Variants in RPE65 observed in about 807,000 individuals in gnomAD.
RPE65 encodes the protein retinoid isomerohydrolase.
In RPE65, 58 loss-of-function variants were observed where a neutral mutation model predicts 68.5. The observed-to-expected ratio is 0.85, with a 90% CI of 0.69 to 1.05. The LOEUF (loss-of-function observed/expected upper bound fraction) is 1.05. Ranked by LOEUF, RPE65 falls within the 50% of genes least tolerant of loss-of-function variation. The pLI, the probability that RPE65 is intolerant of heterozygous loss-of-function variation, is 0.00. For missense variants in RPE65, 643 were observed against 629.9 expected (o/e 1.02, Z -0.22); for synonymous variants, 220 against 222.2 (o/e 0.99, Z 0.09).
chr1:68,441,006 GAAGTA>G lies in RPE65; in HGVS notation c.496-11_496-7del. The stretch of plus-strand genomic sequence containing the variant: ...ACATAGTTGCAAAGATCAACCTACG[GAAGTA>G]AAGTGAATGTCCTCCAGTTGAGAGA... On this transcript the variant is annotated splice_polypyrimidine_tract_variant and splice_region_variant and intron_variant, in intron 5 of 13. Coordinates refer to ENST00000262340, the MANE Select transcript of RPE65 (RefSeq NM_000329.3). 6.2e-7 allele frequency: 1 copy of G among 1,613,734 alleles called. No homozygotes were observed. The highest frequency in any genetic ancestry group is 8.5e-7 in the Non-Finnish European group (1 of 1,179,770).
Position 68,431,457 on chromosome 1 carries a change from C to G in RPE65, c.1243+14G>C, listed in dbSNP as rs755771907. On this transcript the variant is annotated intron_variant, in intron 11 of 13. Transcript: ENST00000262340. ...TGTTCACTCCCGTGTGAAGTTTTCT[C>G]TAGATCATCTCACCTTGACGAGGCC... 1.2e-6 allele frequency: 2 copies of G among 1,613,364 alleles called. No homozygotes were observed. Among genetic ancestry groups the G allele is most frequent in the East Asian group, 2.2e-5 (1 of 44,854 alleles).
chr1:68,438,815 AT>A, intron 9 of RPE65, 126 bp downstream of exon 9: 2 of 1,204,020 alleles, frequency 1.7e-6, no homozygotes, highest in Non-Finnish European at 2.5e-6. Flanking sequence ...TTCCAATTAC[AT>A]TTTTGACTCT....
In RPE65 at chr1:68,429,437, T is replaced by C. The variant is rs74084043; in HGVS notation, c.*339A>G. On this transcript the variant is annotated 3_prime_UTR_variant, in exon 14 of 14. Transcript: ENST00000262340. ...TGGTTTTTAAATGTTAAAAATATAATTGGAGCAGATAGGTACCTAAAATAT... is the reference window on the plus strand; with the variant it reads ...TGGTTTTTAAATGTTAAAAATATAACTGGAGCAGATAGGTACCTAAAATAT... 2.6e-3 allele frequency: 733 copies of C among 284,878 alleles called. 9 individuals carry two copies. The highest frequency in any genetic ancestry group is 0.016 in the African/African-American group (693 of 44,518). The allele number at this position is 284,878 out of a possible 1,614,324, so 17.6% of individuals were successfully genotyped here.
chr1:68,446,910 A>T, intron 2 of RPE65, 50 bp from the exon 3 acceptor site: 1 of 1,611,792 alleles, frequency 6.2e-7, no homozygotes, highest in Non-Finnish European at 8.5e-7. Context: ...GCCTTGGGCT[A>T]GGCTTGTCCT....
At chr1:68,433,791 G>A (rs1645842235) in intron 10 of RPE65, among the ~76,000 whole-genome samples, 1 of 152,052 alleles carries the variant, frequency 6.6e-6, no homozygotes, top group Non-Finnish European at 1.5e-5. Context: ...ATTTAACTAG[G>A]GTTGTGATTT....
At chr1:68,441,183 C>T (rs1388185038) in intron 5 of RPE65, among the ~76,000 whole-genome samples, 183 bp from the exon 6 acceptor site, 1 of 152,118 alleles carries the variant, frequency 6.6e-6, no homozygotes, top group African/African-American at 2.4e-5. Context: ...GAACATAATG[C>T]CCCCTCATGT....
rs1278154958 is a variant in RPE65, at chr1:68,439,542, T to C, written c.725+19A>G. On this transcript the variant is annotated intron_variant, in intron 7 of 13. Transcript: ENST00000262340. Reference sequence around the variant, plus strand: ...AAACTTGAGTTTTCCTGAAGATTCATAGCAGGCCTTCAAGTTACCTATGAA... The same window carrying C: ...AAACTTGAGTTTTCCTGAAGATTCACAGCAGGCCTTCAAGTTACCTATGAA... The C allele has an allele frequency of 6.2e-7, 1 of 1,611,318 alleles. No individual in the cohort carries two copies. Among genetic ancestry groups the C allele is most frequent in the Non-Finnish European group, 8.5e-7 (1 of 1,177,440 alleles).
At chr1:68,443,043 A>G (rs1645914291) in intron 5 of RPE65, among the ~76,000 whole-genome samples, 1 of 152,106 alleles carries the variant, frequency 6.6e-6, no homozygotes, top group Non-Finnish European at 1.5e-5. Context: ...CTTCCCGTAC[A>G]GCCCACACAT....
At chr1:68,445,477 G>A (rs1236343530) in intron 3 of RPE65, among the ~76,000 whole-genome samples, 1 of 152,018 alleles carries the variant, frequency 6.6e-6, no homozygotes, top group African/African-American at 2.4e-5. Context: ...CTGATATGGA[G>A]AGCCAGTTAA....
Position 68,431,116 on chromosome 1 carries a change from G to T in RPE65, c.1399C>A (p.Pro467Thr), listed in dbSNP as rs1395763356. ...TWVWQEPDSYPSEPIFVSHPD... is the reference protein window; with the variant it reads ...TWVWQEPDSYTSEPIFVSHPD... ...TGAGAAACAAAGATGGGTTCTGATG[G>T]GTATGAATCAGGCTCTTGCCAAACC... is the stretch of plus-strand genomic sequence containing the variant. The change falls in exon 13 of 14, where the codon CCA (proline) becomes ACA (threonine). Residue 467 changes from proline (P) to threonine (T), a missense_variant. Transcript: ENST00000262340. 6.2e-6 allele frequency: 10 copies of T among 1,613,744 alleles called. No homozygotes were observed. The highest frequency in any genetic ancestry group is 8.5e-6 in the Non-Finnish European group (10 of 1,179,796).
At chr1:68,445,838 A>G (rs1645938848) in intron 3 of RPE65, among the ~76,000 whole-genome samples, 1 of 151,946 alleles carries the variant, frequency 6.6e-6, no homozygotes, top group African/African-American at 2.4e-5. Context: ...AAGAAGAAAG[A>G]GTACCCTGCT....
At chr1:68,436,823 A>G (rs1447346283) in intron 10 of RPE65, among the ~76,000 whole-genome samples, 1 of 152,090 alleles carries the variant, frequency 6.6e-6, no homozygotes, top group Non-Finnish European at 1.5e-5. Context: ...CATTCACTCA[A>G]CTGCTCAGGA....
Position 68,448,773 on chromosome 1 carries a change from A to G in RPE65, c.12-67T>C. 3.1e-6 allele frequency: 4 copies of G among 1,291,196 alleles called. No individual in the cohort carries two copies. In the South Asian group the frequency reaches 3.6e-5, roughly 12 times the overall value. 80.0% of individuals were successfully genotyped at this position (1,291,196 alleles called of 1,614,324 possible). On this transcript the variant is annotated intron_variant, in intron 1 of 13. Transcript: ENST00000262340. Reference sequence around the variant, plus strand: ...TCAAAGTCCGCAGAGATAGAGGCAGAGCTGCAGGAGAGAAGGCACTCTAGG... The same window carrying G: ...TCAAAGTCCGCAGAGATAGAGGCAGGGCTGCAGGAGAGAAGGCACTCTAGG...
At position 68,431,372 on chromosome 1, in the gene RPE65, A is replaced by G. The variant is rs780625967; in HGVS notation, c.1248T>C (p.Phe416=). Residue 416 remains phenylalanine (F), a synonymous_variant, in exon 12 of 14, where the codon TTT becomes TTC. Transcript: ENST00000262340. ...EVLFSGPRQA[F]EFPQINYQKY... Reference sequence around the variant, plus strand: ...TCTGGTAATTGATTTGAGGAAACTCAAATGCTACGAAATAGAGCACATGCT... The same window carrying G: ...TCTGGTAATTGATTTGAGGAAACTCGAATGCTACGAAATAGAGCACATGCT... The G allele has an allele frequency of 6.2e-7, 1 of 1,613,870 alleles. No homozygotes were observed. The highest frequency in any genetic ancestry group is 1.1e-5 in the South Asian group (1 of 91,072).
intron 12 of RPE65, 44 bp from the exon 13 acceptor site, chr1:68,431,220 G>T: frequency 6.3e-7 from 1 of 1,599,818 alleles, no homozygotes; most frequent in South Asian, 1.1e-5. Context: ...CAGTCAATAT[G>T]CTTTACTTGA....
In RPE65 at chr1:68,431,546, T is replaced by A. The variant is rs75303265; in HGVS notation, c.1168A>T (p.Thr390Ser). The part of the protein sequence containing the change: ...GKNLVTLPNT[T>S]ATAILCSDET... ...TCACTGCACAGAATTGCAGTGGCAG[T>A]TGTATTGGGGAGCGTGACTAAATTC... is the stretch of plus-strand genomic sequence containing the variant. Residue 390 changes from threonine (T) to serine (S), a missense_variant, in exon 11 of 14, where the codon ACT becomes TCT. By Grantham distance (58) the Thr-to-Ser change is moderately conservative. Transcript: ENST00000262340. 6.2e-7 allele frequency: 1 copy of A among 1,613,826 alleles called. No homozygotes were observed. The highest frequency in any genetic ancestry group is 1.1e-5 in the South Asian group (1 of 91,076).
chr1:68,430,961 G>A lies in RPE65; in HGVS notation c.1450+104C>T, dbSNP rs932783. ...TGCTCTATTTATAGTATTAAGGATCGTTTTTGAGTATTACGGAATAATCAA... is the reference window on the plus strand; with the variant it reads ...TGCTCTATTTATAGTATTAAGGATCATTTTTGAGTATTACGGAATAATCAA... On this transcript the variant is annotated intron_variant, in intron 13 of 13. Coordinates refer to ENST00000262340, the MANE Select transcript of RPE65 (RefSeq NM_000329.3). 350,722 of 886,290 alleles carry A rather than the reference G, an allele frequency of 0.4. 75,879 individuals carry two copies. Among genetic ancestry groups the A allele is most frequent in the East Asian group, 0.77 (30,241 of 39,384 alleles). 54.9% of individuals were successfully genotyped at this position (886,290 alleles called of 1,614,324 possible). A position where few individuals can be genotyped will look rare whatever the true frequency, so the allele number is the denominator to read the frequency against.
intron 5 of RPE65, among the ~76,000 whole-genome samples, chr1:68,443,366 C>G (rs1214376711): frequency 6.6e-6 from 1 of 152,186 alleles, no homozygotes; most frequent in Admixed American, 6.5e-5. Context: ...CAAACCTCTC[C>G]CATGTGTGGG....
intron 7 of RPE65, 64 bp downstream of exon 7, chr1:68,439,497 G>GGTA: frequency 6.3e-7 from 1 of 1,576,650 alleles, no homozygotes; most frequent in Non-Finnish European, 8.7e-7. Context: ...TGGTATCAAA[G>GGTA]GTAGGCAAAG....
Sources: allele counts gnomAD v4.1 joint callset (sites outside exome capture counted in the v4.1 genomes callset), GRCh38; gene constraint gnomAD v4.1.1; transcripts MANE v1.5; gene names NCBI Gene and HGNC (gene_info 2026-07-23, HGNC 2026-07-21).